MYO16: variants seen among roughly 807,000 people sequenced by gnomAD.
MYO16 encodes the protein myosin XVI.
In MYO16, 94 loss-of-function variants were observed where a neutral mutation model predicts 205.3. That is an observed-to-expected ratio of 0.46 (90% CI 0.39 to 0.54). The LOEUF is 0.54. MYO16 is among the 20% of genes least tolerant of loss of function. MYO16 has a pLI of 0.00. For synonymous variants in MYO16, 988 were observed against 954.0 expected, an observed-to-expected ratio of 1.04 and a Z score of -0.66; for missense variants, 2,315 against 2,387.5, an observed-to-expected ratio of 0.97 and a Z score of 0.63.
chr13:109,183,223 T>TG (rs892834409), intron 34 of MYO16, among the ~76,000 whole-genome samples: 1 of 151,834 alleles, frequency 6.6e-6, no homozygotes, highest in Non-Finnish European at 1.5e-5. Context: ...TAAGCGGCGG[T>TG]GGGGGGGAAT....
chr13:108,980,781 G>A (rs1392499222), intron 20 of MYO16, among the ~76,000 whole-genome samples: 1 of 152,196 alleles, frequency 6.6e-6, no homozygotes. Flanking sequence ...AAGTTGTGAA[G>A]CTACGATTAT....
intron 34 of MYO16, among the ~76,000 whole-genome samples, chr13:109,181,575 C>T (rs1879452677): frequency 6.6e-6 from 1 of 152,098 alleles, no homozygotes. Flanking sequence ...TTTCATTAGC[C>T]TCATCAGCAG....
At chr13:109,096,233 G>A (rs1003924880) in intron 27 of MYO16, among the ~76,000 whole-genome samples, 1 of 152,146 alleles carries the variant, frequency 6.6e-6, no homozygotes, top group African/African-American at 2.4e-5. Context: ...GCCTCTTCCT[G>A]GTCTCTGGTG....
At chr13:108,574,183 G>T in the MYO16 span, among the ~76,000 whole-genome samples, 26,096 of 152,132 alleles carry the variant, frequency 0.17, 2,490 homozygotes, top group Non-Finnish European at 0.22. Context: ...GCTTGGATTT[G>T]TCCTGAATAC....
intron 1 of MYO16, among the ~76,000 whole-genome samples, chr13:108,648,366 C>A (rs1880848161): frequency 1.3e-5 from 2 of 152,152 alleles, no homozygotes; most frequent in Admixed American, 1.3e-4. Flanking sequence ...AACCCCATGG[C>A]TATGTCTTCA....
chr13:108,531,124 G>C, the MYO16 span, among the ~76,000 whole-genome samples: 1 of 152,218 alleles, frequency 6.6e-6, no homozygotes, highest in East Asian at 1.9e-4. Context: ...GGAAGTAAAA[G>C]AAAGTCAGTG....
At chr13:108,811,642 C>T (rs907273007) in intron 7 of MYO16, among the ~76,000 whole-genome samples, 1 of 151,946 alleles carries the variant, frequency 6.6e-6, no homozygotes, top group Admixed American at 6.6e-5. Flanking sequence ...TTGCCATTTT[C>T]CTACTTCTCT....
intron 3 of MYO16, among the ~76,000 whole-genome samples, chr13:108,715,051 C>T (rs1883888052): frequency 6.6e-6 from 1 of 152,170 alleles, no homozygotes; most frequent in Admixed American, 6.5e-5. Flanking sequence ...TTCCTTCTCT[C>T]ATAAGTAAAA....
chr13:108,519,204 G>A, the MYO16 span, among the ~76,000 whole-genome samples: 1 of 152,192 alleles, frequency 6.6e-6, no homozygotes, highest in Non-Finnish European at 1.5e-5. Context: ...GGTGAGCACT[G>A]AATAGTTTAA....
At chr13:108,964,982 T>C (rs1034558638) in intron 20 of MYO16, 80 bp downstream of exon 20, 2 of 1,400,612 alleles carry the variant, frequency 1.4e-6, no homozygotes, top group Non-Finnish European at 9.8e-7. Flanking sequence ...AGCAGCTTCA[T>C]ATTACAGGGT....
chr13:108,735,109 C>A (rs974076838), intron 4 of MYO16, among the ~76,000 whole-genome samples: 2 of 152,130 alleles, frequency 1.3e-5, no homozygotes, highest in East Asian at 3.9e-4. Flanking sequence ...CTTATAAGTT[C>A]TTTTTATTTA....
the MYO16 span, among the ~76,000 whole-genome samples, chr13:108,553,943 C>T: frequency 1.3e-5 from 2 of 152,162 alleles, no homozygotes; most frequent in Non-Finnish European, 2.9e-5. Context: ...TGTTCTGTAG[C>T]CTGTCTCCCC....
intron 11 of MYO16, among the ~76,000 whole-genome samples, chr13:108,860,906 C>G (rs183523611): frequency 6.6e-6 from 1 of 152,312 alleles, no homozygotes; most frequent in East Asian, 1.9e-4. Flanking sequence ...TCTAAATTCA[C>G]TCACAATCTG....
At position 108,665,975 on chromosome 13, in the gene MYO16, C is replaced by T; in HGVS notation, c.118C>T (p.Arg40Cys). 1.9e-6 allele frequency: 3 copies of T among 1,614,098 alleles called. No homozygotes were observed. The highest frequency in any genetic ancestry group is 2.5e-6 in the Non-Finnish European group (3 of 1,179,980). Reference sequence around the variant, plus strand: ...GTCCCTTCCCCTTGGCCAACGGCAGCGTCTAGTGAAGCGCATGCGCTGTGA... The same window carrying T: ...GTCCCTTCCCCTTGGCCAACGGCAGTGTCTAGTGAAGCGCATGCGCTGTGA... ...LESLPLGQRQ[R>C]LVKRMRCEQI... is the part of the protein sequence containing the mutation. Residue 40 changes from arginine to cysteine, a missense_variant, in exon 2 of 35, where the codon CGT (arginine) becomes TGT (cysteine). Arg to Cys is a radical substitution (Grantham distance 180). Transcript: ENST00000457511.
At chr13:109,147,175 GAA>G (rs146480247) in intron 32 of MYO16, among the ~76,000 whole-genome samples, 1 of 125,880 alleles carries the variant, frequency 7.9e-6, no homozygotes. Context: ...TTCTACTACA[GAA>G]AAAAAAAAAA....
At chr13:109,178,314 C>T (rs1294577445) in intron 33 of MYO16, among the ~76,000 whole-genome samples, 7 of 152,054 alleles carry the variant, frequency 4.6e-5, no homozygotes, top group Non-Finnish European at 8.8e-5. Context: ...AGCCATTGTC[C>T]GCCCAGTCTT....
chr13:108,799,319 G>A (rs1214253630), intron 6 of MYO16, among the ~76,000 whole-genome samples: 1 of 152,166 alleles, frequency 6.6e-6, no homozygotes, highest in East Asian at 1.9e-4. Flanking sequence ...TCAAAATAAT[G>A]TTTAAAATGC....
intron 4 of MYO16, among the ~76,000 whole-genome samples, chr13:108,769,152 C>T (rs867165353): frequency 3.9e-5 from 6 of 152,162 alleles, no homozygotes; most frequent in African/African-American, 4.8e-5. Flanking sequence ...TAGTAACCAT[C>T]GCTGGGAGGA....
chr13:109,161,594 A>G (rs907607277), intron 32 of MYO16, among the ~76,000 whole-genome samples: 1 of 152,214 alleles, frequency 6.6e-6, no homozygotes, highest in Non-Finnish European at 1.5e-5. Flanking sequence ...TGTAAGAGCA[A>G]TGTGAGGAAG....
Sources: gnomAD v4.1 joint callset for allele counts (sites outside exome capture counted in the v4.1 genomes callset) on GRCh38, gnomAD v4.1.1 for gene constraint, MANE v1.5 for transcripts, NCBI Gene and HGNC (gene_info 2026-07-23, HGNC 2026-07-21) for gene names.